The following GALK1 variants were observed in gnomAD, a reference collection of about 807,000 sequenced individuals.
The protein encoded by GALK1 is galactokinase.
GALK1 carries 30 observed loss-of-function variants against 38.6 expected under a neutral mutation model. The ratio of observed to expected loss-of-function variants is 0.78; its 90% CI spans 0.58 to 1.05. The LOEUF (loss-of-function observed/expected upper bound fraction) is 1.05, where lower values mean the gene tolerates loss of function less well. GALK1 is among the 50% of genes least tolerant of loss of function. GALK1 has a pLI of 0.00. For synonymous variants in GALK1, 240 were observed against 233.6 expected (o/e 1.03, Z -0.25); for missense variants, 512 against 540.5 (o/e 0.95, Z 0.52).
chr17:75,752,670 C>A, intron 8 of GALK1: 1 of 1,516,226 alleles, frequency 6.6e-7, no homozygotes, highest in Non-Finnish European at 9.1e-7. Context: ...GGGCCAGCAA[C>A]TAGAGGACAT....
At chr17:75,755,067 T>A (rs760926671), downstream of GALK1, 1 of 1,599,224 alleles carries the variant, frequency 6.3e-7, no homozygotes, top group Non-Finnish European at 8.5e-7. Context: ...CTCCCTCCCA[T>A]CTGGGAACAC....
downstream of GALK1, chr17:75,755,945 C>A: frequency 1.4e-6 from 2 of 1,451,458 alleles, no homozygotes; most frequent in Admixed American, 3.9e-5. Flanking sequence ...CAGGAACCCA[C>A]CCAAGTCCCT....
Position 75,758,561 on chromosome 17 carries a change from C to G in GALK1, c.832G>C (p.Ala278Pro). 6.3e-7 allele frequency: 1 copy of G among 1,596,664 alleles called. No individual in the cohort carries two copies. Among genetic ancestry groups the G allele is most frequent in the Admixed American group, 1.7e-5 (1 of 59,326 alleles). Residue 278 changes from alanine to proline, a missense_variant, in exon 6 of 8, where the codon GCC (alanine) becomes CCC (proline). Physicochemically the swap from Ala to Pro is conservative, Grantham distance 27 (BLOSUM62 -1). Transcript: ENST00000588479. The stretch of plus-strand genomic sequence containing the variant: ...CGAATCTCCCCCACCACGTGCCGGG[C>G]CCGCCGGAAGCCCTCTTTGCTCACC... ...DLVSKEGFRR[A>P]RHVVGEIRRT...
At chr17:75,757,149 C>T, downstream of GALK1, 1 of 1,612,758 alleles carries the variant, frequency 6.2e-7, no homozygotes, top group Non-Finnish European at 8.5e-7. Flanking sequence ...CCTCCTCGGG[C>T]CGTGCCTCCT....
At chr17:75,756,456 A>G (rs1396068957), downstream of GALK1, 4 of 1,612,826 alleles carry the variant, frequency 2.5e-6, no homozygotes, top group South Asian at 1.1e-5. Flanking sequence ...AACATCCCCA[A>G]CCCTGCCCAG....
chr17:75,756,677 C>T, downstream of GALK1: 1 of 1,613,442 alleles, frequency 6.2e-7, no homozygotes, highest in South Asian at 1.1e-5. Flanking sequence ...CACCCACAGG[C>T]TGATGCTCTT....
chr17:75,764,112 G>C, intron 1 of GALK1, 26 bp from the exon 2 acceptor site: 1 of 1,556,122 alleles, frequency 6.4e-7, no homozygotes, highest in Non-Finnish European at 8.7e-7. Flanking sequence ...AGCAGTACGT[G>C]AGGCTTCCGC....
chr17:75,764,174 C>T (rs542824294), intron 1 of GALK1, 88 bp from the exon 2 acceptor site: 3 of 1,181,858 alleles, frequency 2.5e-6, no homozygotes, highest in South Asian at 2.5e-5. Context: ...GGTTCTGATG[C>T]CTCCACAGTC....
In GALK1 at chr17:75,765,175, G is replaced by C; in HGVS notation, c.-39C>G. 7.1e-7 allele frequency: 1 copy of C among 1,406,210 alleles called. No individual in the cohort carries two copies. The highest frequency in any genetic ancestry group is 1.6e-5 in the South Asian group (1 of 63,904). The allele number at this position is 1,406,210 out of a possible 1,614,324, so 87.1% of individuals were successfully genotyped here. On this transcript the variant is annotated 5_prime_UTR_variant, in exon 1 of 8. Transcript: ENST00000588479. ...AGCTCTGCACAGCTGCTCCGGCACAGCCCCGTCGGCGCGGGATGCTCGGGC... is the reference window on the plus strand; with the variant it reads ...AGCTCTGCACAGCTGCTCCGGCACACCCCCGTCGGCGCGGGATGCTCGGGC...
rs760408680 is a variant in GALK1, at chr17:75,764,935, C to T, written c.165+37G>A. On this transcript the variant is annotated intron_variant, in intron 1 of 7. Coordinates refer to ENST00000588479, the MANE Select transcript of GALK1 (RefSeq NM_000154.2). The stretch of plus-strand genomic sequence containing the variant: ...CGCCCTCCTCGGCGGCCGGGACAGG[C>T]GGCGGCGGGCTAGGGGCTCCCCGTG... 14 of 1,587,698 alleles carry T rather than the reference C, an allele frequency of 8.8e-6. No individual in the cohort carries two copies. In the South Asian group the frequency reaches 1.6e-4, roughly 18 times the overall value.
chr17:75,752,572 A>T, intron 8 of GALK1: 3 of 1,613,536 alleles, frequency 1.9e-6, no homozygotes, highest in Non-Finnish European at 2.5e-6. Flanking sequence ...GTCTCCGATG[A>T]CACTGGTGAG....
rs577948702 is a variant in GALK1, at chr17:75,762,651, C to T, written c.793+53G>A. The T allele has an allele frequency of 3.7e-5, 59 of 1,596,204 alleles. No individual in the cohort carries two copies. In the East Asian group the frequency reaches 7.4e-4, roughly 20 times the overall value. The stretch of plus-strand genomic sequence containing the variant: ...AGGCAGGGTCAAGGCCACACTGAGG[C>T]GCCAGCAGGGAGCACAGCCGCCTCC... On this transcript the variant is annotated intron_variant, in intron 5 of 7. Coordinates refer to ENST00000588479, the MANE Select transcript of GALK1 (RefSeq NM_000154.2).
In GALK1 at chr17:75,758,236, C is replaced by G; in HGVS notation, c.1081G>C (p.Ala361Pro). 6.2e-7 allele frequency: 1 copy of G among 1,602,876 alleles called. No individual in the cohort carries two copies. Among genetic ancestry groups the G allele is most frequent in the Non-Finnish European group, 8.5e-7 (1 of 1,175,778 alleles). ...CTVTLLEASA[A>P]PHAMRHIQEH... ...TGGATGTGCCGCATGGCGTGGGGAG[C>G]AGCGGAGGCCTCCAGCAGTGTCACC... The change falls in exon 7 of 8, where the codon GCT becomes CCT. Residue 361 changes from alanine to proline, a missense_variant. Transcript: ENST00000588479.
chr17:75,760,613 A>C (rs1374444834), intron 5 of GALK1, among the ~76,000 whole-genome samples: 1 of 146,844 alleles, frequency 6.8e-6, no homozygotes, highest in Admixed American at 6.8e-5. Flanking sequence ...TAAAAATACA[A>C]AAAAAAAAAA....
chr17:75,757,985 G>C lies in GALK1; in HGVS notation c.*71C>G, dbSNP rs905357808. 5.2e-6 allele frequency: 8 copies of C among 1,533,710 alleles called. No homozygotes were observed. The highest frequency in any genetic ancestry group is 2.7e-5 in the African/African-American group (2 of 73,360). ...ATTGAGCACCCGGATATGGAAGATG[G>C]CACCGGGCACAGAGCCGTGGGACTG... On this transcript the variant is annotated 3_prime_UTR_variant, in exon 8 of 8. Coordinates refer to ENST00000588479, the MANE Select transcript of GALK1 (RefSeq NM_000154.2).
intron 1 of GALK1, chr17:75,764,287 C>T (rs780681379): frequency 1.8e-5 from 14 of 759,628 alleles, no homozygotes; most frequent in African/African-American, 1.7e-4. Flanking sequence ...AGGGGCGGGG[C>T]GGCTGCAGCT....
At position 75,762,905 on chromosome 17, in the gene GALK1, G is replaced by C; in HGVS notation, c.612-20C>G. Reference sequence around the variant, plus strand: ...AAGGACCTGGGGTGGAGTTACAATGGGGGAGATGACGAGGCCAAGCGTGTG... The same window carrying C: ...AAGGACCTGGGGTGGAGTTACAATGCGGGAGATGACGAGGCCAAGCGTGTG... On this transcript the variant is annotated intron_variant, in intron 4 of 7. Transcript: ENST00000588479. 2 of 1,612,958 alleles carry C rather than the reference G, an allele frequency of 1.2e-6. No homozygotes were observed. Among genetic ancestry groups the C allele is most frequent in the Non-Finnish European group, 1.7e-6 (2 of 1,179,870 alleles).
At chr17:75,752,476 A>ACGCC in intron 8 of GALK1, 2 of 1,613,590 alleles carry the variant, frequency 1.2e-6, no homozygotes, top group Non-Finnish European at 1.7e-6. Flanking sequence ...CCTATCGTGG[A>ACGCC]CGCCCAGAGC....
At chr17:75,763,700 G>C in intron 2 of GALK1, 197 bp downstream of exon 2, 1 of 710,914 alleles carries the variant, frequency 1.4e-6, no homozygotes, top group Non-Finnish European at 2.4e-6. Context: ...TTCAAATCCT[G>C]GCTCCTCCAA....
Sources: gnomAD v4.1 joint callset for allele counts (sites outside exome capture counted in the v4.1 genomes callset) on GRCh38, gnomAD v4.1.1 for gene constraint, MANE v1.5 for transcripts, NCBI Gene and HGNC (gene_info 2026-07-23, HGNC 2026-07-21) for gene names.